Variants in FBXW10B observed in about 807,000 individuals in gnomAD.
FBXW10B encodes the protein F-box and WD repeat domain containing 10B.
At chr17:15,575,092 G>GGCC in the FBXW10B span, among the ~76,000 whole-genome samples, 14,713 of 135,274 alleles carry the variant, frequency 0.11, 638 homozygotes, top group East Asian at 0.33. Context: ...AAGAGGAGGG[G>GGCC]ACAGCAGGAG....
At chr17:15,597,463 T>TAAA in the FBXW10B span, among the ~76,000 whole-genome samples, 415 of 121,250 alleles carry the variant, frequency 3.4e-3, 1 homozygote, top group Middle Eastern at 9.5e-3. Flanking sequence ...CCGTCTCTAC[T>TAAA]AAAAAAAAAA....
At chr17:15,612,529 AG>A in the FBXW10B span, 1 of 473,124 alleles carries the variant, frequency 2.1e-6, no homozygotes, top group Non-Finnish European at 2.8e-6. Context: ...AAAAAAAAAA[AG>A]AGGAAGTGTC....
the FBXW10B span, chr17:15,595,032 C>T: frequency 7.7e-7 from 1 of 1,300,904 alleles, no homozygotes; most frequent in Admixed American, 2.4e-5. Flanking sequence ...TGAGCTAATC[C>T]TGCTTTTGCT....
the FBXW10B span, chr17:15,612,816 T>C: frequency 6.2e-7 from 1 of 1,610,104 alleles, no homozygotes; most frequent in Admixed American, 1.7e-5. Flanking sequence ...TCCTCTTGTA[T>C]AGGACCCCTG....
chr17:15,594,999 C>G, the FBXW10B span: 1 of 1,481,824 alleles, frequency 6.7e-7, no homozygotes, highest in African/African-American at 1.4e-5. Context: ...CAATCTGTGA[C>G]TGCCATTCAC....
the FBXW10B span, chr17:15,619,250 T>C: frequency 1.2e-6 from 2 of 1,613,992 alleles, no homozygotes; most frequent in Non-Finnish European, 8.5e-7. Flanking sequence ...CCGGGACCTG[T>C]TATAGATGAA....
At chr17:15,576,721 G>A in the FBXW10B span, among the ~76,000 whole-genome samples, 4 of 151,764 alleles carry the variant, frequency 2.6e-5, no homozygotes, top group East Asian at 5.8e-4. Context: ...TTAGGTGTGG[G>A]CTGTAAGCAG....
the FBXW10B span, among the ~76,000 whole-genome samples, chr17:15,589,491 TCCTGC>T: frequency 1.3e-5 from 2 of 151,300 alleles, no homozygotes; most frequent in Admixed American, 6.6e-5. Flanking sequence ...CGAGCCAGCC[TCCTGC>T]GTTCCCCTCT....
chr17:15,597,216 A>AT, the FBXW10B span, among the ~76,000 whole-genome samples: 3 of 150,676 alleles, frequency 2.0e-5, no homozygotes, highest in Admixed American at 6.6e-5. Context: ...TTATGGAGAA[A>AT]TGGTCACAGC....
At chr17:15,572,443 G>T in the FBXW10B span, 4 of 152,188 alleles carry the variant, frequency 2.6e-5, no homozygotes, top group African/African-American at 7.2e-5. Context: ...ACTTTTTTCA[G>T]AATTGTGTCC....
At chr17:15,598,056 T>C in the FBXW10B span, among the ~76,000 whole-genome samples, 1 of 152,118 alleles carries the variant, frequency 6.6e-6, no homozygotes, top group Non-Finnish European at 1.5e-5. Context: ...CACTTATATT[T>C]TATGTATATA....
the FBXW10B span, chr17:15,593,509 G>C: frequency 6.2e-7 from 1 of 1,613,988 alleles, no homozygotes; most frequent in Non-Finnish European, 8.5e-7. Context: ...GAAGGGAACA[G>C]AGTAGCAGGC....
At chr17:15,571,484 G>A in the FBXW10B span, 2 of 152,118 alleles carry the variant, frequency 1.3e-5, no homozygotes, top group Non-Finnish European at 2.9e-5. Context: ...ACCACTACAC[G>A]CCTATTAGCA....
At chr17:15,566,220 G>C in the FBXW10B span, 994 of 1,612,310 alleles carry the variant, frequency 6.2e-4, 7 homozygotes, top group African/African-American at 0.012. Flanking sequence ...AATTACGGGC[G>C]TGCTGCAGGG....
the FBXW10B span, among the ~76,000 whole-genome samples, chr17:15,570,504 G>T: frequency 5.9e-5 from 9 of 152,176 alleles, no homozygotes; most frequent in Non-Finnish European, 1.0e-4. Flanking sequence ...CTGGGAAGAG[G>T]TTAAGGAAAA....
chr17:15,566,086 C>T, the FBXW10B span: 93 of 1,607,220 alleles, frequency 5.8e-5, 2 homozygotes, highest in Admixed American at 9.6e-4. Context: ...CAATCTCAAC[C>T]GATCAACTGC....
the FBXW10B span, among the ~76,000 whole-genome samples, chr17:15,587,793 C>G: frequency 0.033 from 5,049 of 152,162 alleles, 260 homozygotes; most frequent in African/African-American, 0.11. Flanking sequence ...GTTTTTAAAA[C>G]CAGAGCACCC....
the FBXW10B span, among the ~76,000 whole-genome samples, chr17:15,608,935 GTCTT>G: frequency 1.3e-5 from 2 of 151,556 alleles, no homozygotes; most frequent in African/African-American, 2.4e-5. Flanking sequence ...TTGCTTCCCA[GTCTT>G]TCTTTATTTC....
the FBXW10B span, among the ~76,000 whole-genome samples, chr17:15,583,631 G>A: frequency 6.6e-6 from 1 of 150,536 alleles, no homozygotes; most frequent in African/African-American, 2.4e-5. Flanking sequence ...CCCAACTCAA[G>A]ACTCTAGCCA....
Sources: gnomAD v4.1 joint callset for allele counts (sites outside exome capture counted in the v4.1 genomes callset) on GRCh38, gnomAD v4.1.1 for gene constraint, MANE v1.5 for transcripts, NCBI Gene and HGNC (gene_info 2026-07-23, HGNC 2026-07-21) for gene names.